Variants in GRINA observed in about 807,000 individuals in gnomAD.
GRINA encodes glutamate ionotropic receptor NMDA type subunit associated protein 1, also known as protein lifeguard 1.
In GRINA, 26 loss-of-function variants were observed where a neutral mutation model predicts 42.5. That is an observed-to-expected ratio of 0.61 (90% CI 0.45 to 0.85). GRINA has a LOEUF of 0.85. GRINA is among the 40% of genes least tolerant of loss of function. The probability of loss-of-function intolerance (pLI) is 0.00; values close to 1 mark genes in which losing one functional copy is unlikely to be tolerated. For missense variants in GRINA, 475 were observed against 481.5 expected (o/e 0.99, Z 0.13); for synonymous variants, 256 against 204.2 (o/e 1.25, Z -2.17).
intron 2 of GRINA, 41 bp downstream of exon 2, chr8:143,991,643 A>C: frequency 6.3e-7 from 1 of 1,582,376 alleles, no homozygotes; most frequent in Non-Finnish European, 8.7e-7. Context: ...CCGGGAGGGC[A>C]GGGGGAGGTG....
Position 143,993,256 on chromosome 8 carries a change from C to G in GRINA, c.*415C>G. 4.2e-6 allele frequency: 1 copy of G among 240,938 alleles called. No individual in the cohort carries two copies. Among genetic ancestry groups the G allele is most frequent in the Non-Finnish European group, 8.3e-6 (1 of 121,024 alleles). 14.9% of individuals were successfully genotyped at this position (240,938 alleles called of 1,614,324 possible). On this transcript the variant is annotated 3_prime_UTR_variant, in exon 7 of 7. Coordinates refer to ENST00000395068, the MANE Select transcript of GRINA (RefSeq NM_001009184.2). ...CGTAGAGCACCCCTCCCCTCCCCCC[C>G]ACCCCCCTGGAGTGCTGCCCTCTGG...
chr8:143,991,625 T>C, intron 2 of GRINA, 23 bp downstream of exon 2: 1 of 1,585,124 alleles, frequency 6.3e-7, no homozygotes, highest in Non-Finnish European at 8.6e-7. Flanking sequence ...AAGGGAGGGG[T>C]GGGGTGGCCG....
At position 143,992,304 on chromosome 8, in the gene GRINA, C is replaced by T. The variant is rs781933955; in HGVS notation, c.753C>T (p.Thr251=). 6.9e-6 allele frequency: 11 copies of T among 1,589,304 alleles called. No homozygotes were observed. In the South Asian group the frequency reaches 8.0e-5, roughly 12 times the overall value. ...MVGMIASFYN[T]EAVIMAVGIT... ...GGATGATCGCCAGCTTCTACAACAC[C>T]GAGGCAGTCATCATGGCCGTGGGCA... Residue 251 remains threonine (T), a synonymous_variant, in exon 5 of 7, where the codon ACC becomes ACT. Transcript: ENST00000395068.
chr8:143,993,057 G>A lies in GRINA; in HGVS notation c.*216G>A, dbSNP rs1373440684. On this transcript the variant is annotated 3_prime_UTR_variant, in exon 7 of 7. Coordinates refer to ENST00000395068, the MANE Select transcript of GRINA (RefSeq NM_001009184.2). ...TGGCCCCTTTAGTCCTCCCGCCCCC[G>A]CCAAGGGGCACCAAGGCCACGTTTC... The A allele has an allele frequency of 3.1e-5, 17 of 551,934 alleles. No homozygotes were observed. Among genetic ancestry groups the A allele is most frequent in the Non-Finnish European group, 4.8e-5 (15 of 309,550 alleles). 34.2% of individuals were successfully genotyped at this position (551,934 alleles called of 1,614,324 possible). A position where few individuals can be genotyped will look rare whatever the true frequency, so the allele number is the denominator to read the frequency against.
chr8:143,992,662 C>T lies in GRINA; in HGVS notation c.967-30C>T, dbSNP rs373621085. ...CGGGATGCTGGGCAGGCAGGCTTGT[C>T]CCTCAACACCACTGTGCTGTCACCT... On this transcript the variant is annotated intron_variant, in intron 6 of 6. Coordinates refer to ENST00000395068, the MANE Select transcript of GRINA (RefSeq NM_001009184.2). 6.2e-6 allele frequency: 10 copies of T among 1,613,736 alleles called. No individual in the cohort carries two copies. The Admixed American group carries it at 1.7e-4, about 27-fold the overall frequency.
rs782085222 is a variant in GRINA, at chr8:143,991,529, G to A, written c.306G>A (p.Gly102=). Residue 102 remains glycine (G), a synonymous_variant, in exon 2 of 7, where the codon GGG becomes GGA. Coordinates refer to ENST00000395068, the MANE Select transcript of GRINA (RefSeq NM_001009184.2). ...ACCCCCAAGGGGGCTACCCCCAGGG[G>A]CCATATCCCCAGAGCCCCTTCCCCC... is the stretch of plus-strand genomic sequence containing the variant. ...GPYPQGGYPQ[G]PYPQSPFPPN... 1 of 1,548,300 alleles carries A rather than the reference G, an allele frequency of 6.5e-7. No individual in the cohort carries two copies. Among genetic ancestry groups the A allele is most frequent in the East Asian group, 2.3e-5 (1 of 44,194 alleles).
At position 143,991,879 on chromosome 8, in the gene GRINA, T is replaced by G. The variant is rs1554750565; in HGVS notation, c.494T>G (p.Val165Gly). Residue 165 changes from valine (V) to glycine (G), a missense_variant and splice_region_variant, in exon 4 of 7, where the codon GTG (valine) becomes GGG (glycine). Physicochemically the swap from Val to Gly is moderately radical, Grantham distance 109. This residue lies in a region of GRINA where 321 missense variants were observed against 267.2 expected (regional missense o/e 1.20). Coordinates refer to ENST00000395068, the MANE Select transcript of GRINA (RefSeq NM_001009184.2). ...GACTCTGAGCGGCTCCTTCCCCAGG[T>G]GTTCCTAGTGCTGACCTTGCAGCTG... The part of the protein sequence containing the change: ...KSIRQAFIRK[V>G]FLVLTLQLSV... 6.2e-7 allele frequency: 1 copy of G among 1,610,510 alleles called. No individual in the cohort carries two copies. Among genetic ancestry groups the G allele is most frequent in the Non-Finnish European group, 8.5e-7 (1 of 1,177,798 alleles).
chr8:143,991,158 G>C, intron 1 of GRINA, 42 bp from the exon 2 acceptor site: 1 of 1,180,018 alleles, frequency 8.5e-7, no homozygotes, highest in Non-Finnish European at 1.2e-6. Flanking sequence ...CGACGCTGTC[G>C]TCAAGCCAAC....
rs1834122833 is a variant in GRINA, at chr8:143,992,788, A to G, written c.1063A>G (p.Ile355Val). Reference protein sequence around the residue: ...VFAALNLYTDIINIFLYILTI... With the variant: ...VFAALNLYTDVINIFLYILTI... ...TGCTGCGCTGAACCTGTACACAGAC[A>G]TCATCAACATCTTCCTGTACATCCT... The change falls in exon 7 of 7, where the codon ATC becomes GTC. Residue 355 changes from isoleucine to valine, a missense_variant. Transcript: ENST00000395068. The G allele has an allele frequency of 1.2e-6, 2 of 1,613,854 alleles. No individual in the cohort carries two copies. Among genetic ancestry groups the G allele is most frequent in the Non-Finnish European group, 1.7e-6 (2 of 1,179,902 alleles).
Position 143,990,862 on chromosome 8 carries a change from CTCCCACCCG to C in GRINA, c.-24-337_-24-329del, listed in dbSNP as rs1211056042. ...CCGAGACCCCAGCCTCCGCGCTGAGCTCCCACCCGGGAGACGCCGGCAGCGGCGCAGGCC... is the reference window on the plus strand; with the variant it reads ...CCGAGACCCCAGCCTCCGCGCTGAGCGGAGACGCCGGCAGCGGCGCAGGCC... On this transcript the variant is annotated intron_variant, in intron 1 of 6. Coordinates refer to ENST00000395068, the MANE Select transcript of GRINA (RefSeq NM_001009184.2). This position sits in a 1 kb window ranked among gnomAD's most constrained non-coding sequence, Gnocchi z 5.6. 6.1e-6 allele frequency: 1 copy of C among 163,540 alleles called. No homozygotes were observed. Among genetic ancestry groups the C allele is most frequent in the African/African-American group, 2.4e-5 (1 of 41,824 alleles). The allele number at this position is 163,540 out of a possible 1,614,324, so 10.1% of individuals were successfully genotyped here. A position where few individuals can be genotyped will look rare whatever the true frequency, so the allele number is the denominator to read the frequency against.
Position 143,992,802 on chromosome 8 carries a change from C to T in GRINA, c.1077C>T (p.Phe359=), listed in dbSNP as rs1554750821. ...TGTACACAGACATCATCAACATCTT[C>T]CTGTACATCCTCACCATCATTGGCC... ...LNLYTDIINI[F]LYILTIIGRA... The change falls in exon 7 of 7, where the codon TTC becomes TTT. Residue 359 remains phenylalanine, a synonymous_variant. Transcript: ENST00000395068. 5.0e-6 allele frequency: 8 copies of T among 1,613,710 alleles called. No individual in the cohort carries two copies. The highest frequency in any genetic ancestry group is 3.3e-5 in the Admixed American group (2 of 59,984).
Position 143,992,227 on chromosome 8 carries a change from T to C in GRINA, c.694-18T>C. 6.2e-7 allele frequency: 1 copy of C among 1,603,708 alleles called. No homozygotes were observed. The highest frequency in any genetic ancestry group is 8.5e-7 in the Non-Finnish European group (1 of 1,173,996). On this transcript the variant is annotated intron_variant, in intron 4 of 6. Coordinates refer to ENST00000395068, the MANE Select transcript of GRINA (RefSeq NM_001009184.2). ...TGGGGGCACACACCCAAGGTCAGCC[T>C]GTGTCTCCCAACTGCAGTCGGTCCT...
rs1554750597 is a variant in GRINA, at chr8:143,991,999, C to T, written c.614C>T (p.Ala205Val). The T allele has an allele frequency of 6.2e-6, 10 of 1,613,686 alleles. No individual in the cohort carries two copies. The East Asian group carries it at 1.6e-4, about 25-fold the overall frequency. ...GTCTGGACCTACTATGTCTCCTATG[C>T]TGTCTTCTTCATCTCTCTCATCGTC... ...ENVWTYYVSYAVFFISLIVLS... is the reference protein window; with the variant it reads ...ENVWTYYVSYVVFFISLIVLS... Residue 205 changes from alanine to valine, a missense_variant, in exon 4 of 7, where the codon GCT becomes GTT. Transcript: ENST00000395068.
In GRINA at chr8:143,992,536, T is replaced by C. The variant is rs1834117988; in HGVS notation, c.894T>C (p.Ile298=). Residue 298 remains isoleucine (I), a synonymous_variant, in exon 6 of 7, where the codon ATT becomes ATC. Transcript: ENST00000395068. ...TGGTGGTGCTCTTCATCTTCGCCAT[T>C]CTCTGCATCTTCATCCGGAACCGCA... ...VSMVVLFIFA[I]LCIFIRNRIL... 1.2e-6 allele frequency: 2 copies of C among 1,614,018 alleles called. No homozygotes were observed. The highest frequency in any genetic ancestry group is 1.7e-5 in the Admixed American group (1 of 60,006).
rs782642122 is a variant in GRINA, at chr8:143,992,688, C to T, written c.967-4C>T. The T allele has an allele frequency of 6.2e-7, 1 of 1,613,930 alleles. No individual in the cohort carries two copies. Among genetic ancestry groups the T allele is most frequent in the Non-Finnish European group, 8.5e-7 (1 of 1,179,936 alleles). On this transcript the variant is annotated splice_region_variant and splice_polypyrimidine_tract_variant and intron_variant, in intron 6 of 6. Coordinates refer to ENST00000395068, the MANE Select transcript of GRINA (RefSeq NM_001009184.2). ...CCTCAACACCACTGTGCTGTCACCT[C>T]CAGTTCCTCGCAGTGGACACCCAGC...
rs184930535 is a variant in GRINA at position 143,992,769 on chromosome 8, G to A, written c.1044G>A (p.Ala348=). ...GCCCAGAAGAGTATGTGTTTGCTGC[G>A]CTGAACCTGTACACAGACATCATCA... is the stretch of plus-strand genomic sequence containing the variant. The part of the protein sequence containing the change: ...SLSPEEYVFA[A]LNLYTDIINI... Residue 348 remains alanine, a synonymous_variant, in exon 7 of 7, where the codon GCG becomes GCA. Coordinates refer to ENST00000395068, the MANE Select transcript of GRINA (RefSeq NM_001009184.2). 27 of 1,613,818 alleles carry A rather than the reference G, an allele frequency of 1.7e-5. No homozygotes were observed. The highest frequency in any genetic ancestry group is 1.6e-4 in the Middle Eastern group (1 of 6,062).
rs909655304 is a variant in GRINA, at chr8:143,992,513, G to C, written c.871G>C (p.Val291Leu). 1 of 1,614,154 alleles carries C rather than the reference G, an allele frequency of 6.2e-7. No individual in the cohort carries two copies. The highest frequency in any genetic ancestry group is 8.5e-7 in the Non-Finnish European group (1 of 1,180,016). ...SCMGVLLVSM[V>L]VLFIFAILCI... is the part of the protein sequence containing the mutation. The stretch of plus-strand genomic sequence containing the variant: ...CATGGGCGTGCTCCTGGTGAGCATG[G>C]TGGTGCTCTTCATCTTCGCCATTCT... The change falls in exon 6 of 7, where the codon GTG (valine) becomes CTG (leucine). Residue 291 changes from valine to leucine, a missense_variant. Transcript: ENST00000395068.
At position 143,992,279 on chromosome 8, in the gene GRINA, G is replaced by T; in HGVS notation, c.728G>T (p.Gly243Val). Residue 243 changes from glycine to valine, a missense_variant, in exon 5 of 7, where the codon GGG becomes GTG. Gly to Val is a moderately radical substitution (Grantham distance 109). This residue lies in a region of GRINA where 154 missense variants were observed against 214.2 expected (regional missense o/e 0.72). Transcript: ENST00000395068. ...ACCGCCAGCCTGTCGTACATGGTGG[G>T]GATGATCGCCAGCTTCTACAACACC... ...VLTASLSYMV[G>V]MIASFYNTEA... The T allele has an allele frequency of 1.3e-6, 2 of 1,596,210 alleles. No individual in the cohort carries two copies. The highest frequency in any genetic ancestry group is 1.7e-6 in the Non-Finnish European group (2 of 1,169,466).
At chr8:143,992,429 G>GCCCAGC in intron 5 of GRINA, 36 bp from the exon 6 acceptor site, 1 of 1,613,626 alleles carries the variant, frequency 6.2e-7, no homozygotes, top group Non-Finnish European at 8.5e-7. Flanking sequence ...GCTTTCCCAG[G>GCCCAGC]CCCAGCCCCA....
Sources: gnomAD v4.1 joint callset for allele counts on GRCh38, gnomAD v4.1.1 for gene constraint, gnomAD v4.1.1 regional missense constraint, Gnocchi (gnomAD v3.1) non-coding constraint, MANE v1.5 for transcripts, NCBI Gene and HGNC (gene_info 2026-07-23, HGNC 2026-07-21) for gene names.